LSM14A: variants seen among roughly 807,000 people sequenced by gnomAD.
The protein encoded by LSM14A is LSM14A mRNA processing body assembly factor, also known as protein LSM14 homolog A.
A neutral mutation model predicts 52.4 loss-of-function variants in LSM14A; 14 were observed. That is an observed-to-expected ratio of 0.27 (90% CI 0.18 to 0.42). The LOEUF is 0.42. LSM14A is among the 10% of genes least tolerant of loss of function. The pLI, the probability that LSM14A is intolerant of heterozygous loss-of-function variation, is 1.00. For missense variants in LSM14A, 417 were observed against 581.8 expected, an observed-to-expected ratio of 0.72 and a Z score of 2.91; for synonymous variants, 185 against 200.3, an observed-to-expected ratio of 0.92 and a Z score of 0.64.
chr19:34,192,631 G>GCAAA (rs2070513776), intron 1 of LSM14A, among the ~76,000 whole-genome samples: 5 of 33,982 alleles, frequency 1.5e-4, no homozygotes, highest in African/African-American at 6.7e-4. Context: ...CATCAGTTCT[G>GCAAA]CAAAAAAAAA....
intron 1 of LSM14A, among the ~76,000 whole-genome samples, chr19:34,175,080 CATA>C (rs1247551482): frequency 1.3e-5 from 2 of 152,038 alleles, no homozygotes; most frequent in African/African-American, 4.8e-5. Context: ...ATTCATATGA[CATA>C]ATGACATAAA....
intron 9 of LSM14A, chr19:34,226,581 A>G (rs2073360770): frequency 2.3e-6 from 2 of 855,118 alleles, no homozygotes; most frequent in Non-Finnish European, 3.4e-6. Flanking sequence ...CAGTTTAATA[A>G]CGGGGTGCAA....
chr19:34,185,338 G>T (rs1425202132), intron 1 of LSM14A, among the ~76,000 whole-genome samples: 1 of 152,168 alleles, frequency 6.6e-6, no homozygotes. Context: ...TCTGTTAGGG[G>T]TGTTAAGTTC....
intron 9 of LSM14A, among the ~76,000 whole-genome samples, chr19:34,224,246 C>G (rs1299407274): frequency 6.6e-6 from 1 of 152,060 alleles, no homozygotes; most frequent in Non-Finnish European, 1.5e-5. Context: ...GCAGGAGAAT[C>G]ATTGAACCTG....
chr19:34,184,578 A>G (rs958783014), intron 1 of LSM14A, among the ~76,000 whole-genome samples: 1 of 152,152 alleles, frequency 6.6e-6, no homozygotes, highest in African/African-American at 2.4e-5. Context: ...ACATACAGAA[A>G]CATTTGGGGA....
chr19:34,209,086 A>T (rs1313132998), intron 4 of LSM14A, 35 bp downstream of exon 4: 4 of 1,515,064 alleles, frequency 2.6e-6, no homozygotes, highest in African/African-American at 1.4e-5. Context: ...TTTCCATTCT[A>T]AACTTTTATA....
At position 34,172,599 on chromosome 19, in the gene LSM14A, G is replaced by C; in HGVS notation, c.-44G>C. On this transcript the variant is annotated 5_prime_UTR_variant, in exon 1 of 10. Coordinates refer to ENST00000544216, the MANE Select transcript of LSM14A (RefSeq NM_015578.4). ...TGCGGAGCGGGCGACAGTGGCGTGG[G>C]ATCTGCCTCTCTGCGAGCAGCTGGG... The C allele has an allele frequency of 6.6e-7, 1 of 1,524,060 alleles. No homozygotes were observed. The highest frequency in any genetic ancestry group is 2.8e-5 in the East Asian group (1 of 36,026). 94.4% of individuals were successfully genotyped at this position (1,524,060 alleles called of 1,614,324 possible). A position where few individuals can be genotyped will look rare whatever the true frequency, so the allele number is the denominator to read the frequency against.
chr19:34,198,781 TC>T (rs1300413947), intron 3 of LSM14A, among the ~76,000 whole-genome samples: 1 of 151,646 alleles, frequency 6.6e-6, no homozygotes, highest in Non-Finnish European at 1.5e-5. Context: ...GGTCAGGAGA[TC>T]GAGACCATCC....
chr19:34,215,415 A>G lies in LSM14A; in HGVS notation c.715+115A>G, dbSNP rs897632265. ...ATGATCCCAGAAAATTAAACTGAAT[A>G]TGATAGAATGTTTGGTCTTTCAAAT... On this transcript the variant is annotated intron_variant, in intron 5 of 9. Transcript: ENST00000544216. 1.7e-5 allele frequency: 20 copies of G among 1,202,096 alleles called. No homozygotes were observed. The Middle Eastern group carries it at 9.8e-4, about 59-fold the overall frequency. 74.5% of individuals were successfully genotyped at this position (1,202,096 alleles called of 1,614,324 possible).
At chr19:34,204,492 A>G (rs754074479) in intron 3 of LSM14A, among the ~76,000 whole-genome samples, 10 of 151,394 alleles carry the variant, frequency 6.6e-5, no homozygotes, top group Non-Finnish European at 1.5e-4. Flanking sequence ...TGGGAGGATC[A>G]CTTGAGGCCA....
At chr19:34,195,623 A>G (rs185770403) in intron 2 of LSM14A, among the ~76,000 whole-genome samples, 8 of 152,194 alleles carry the variant, frequency 5.3e-5, no homozygotes, top group Middle Eastern at 3.4e-3. Context: ...ACTCTCATCT[A>G]CCCCTACCCT....
chr19:34,198,030 T>C (rs1285714316), intron 3 of LSM14A, among the ~76,000 whole-genome samples: 1 of 148,734 alleles, frequency 6.7e-6, no homozygotes, highest in Non-Finnish European at 1.5e-5. Flanking sequence ...TAAAAAAAAA[T>C]CGCTTCTCAG....
intron 1 of LSM14A, among the ~76,000 whole-genome samples, chr19:34,190,679 A>G (rs1054922586): frequency 2.0e-5 from 3 of 152,092 alleles, no homozygotes; most frequent in Non-Finnish European, 4.4e-5. Context: ...ATGTTGTGAT[A>G]TACTGTTCTT....
intron 6 of LSM14A, among the ~76,000 whole-genome samples, chr19:34,217,605 T>C (rs1228486018): frequency 1.8e-5 from 1 of 55,510 alleles, no homozygotes; most frequent in African/African-American, 7.3e-5. Context: ...TATTTTTATA[T>C]CCCCCCCCCC....
chr19:34,210,444 G>A (rs1382363865), intron 4 of LSM14A, among the ~76,000 whole-genome samples: 1 of 151,778 alleles, frequency 6.6e-6, no homozygotes, highest in Non-Finnish European at 1.5e-5. Flanking sequence ...TCATTTTTTT[G>A]TATTTTTGGT....
chr19:34,196,227 C>T (rs2070826121), intron 2 of LSM14A, among the ~76,000 whole-genome samples: 1 of 152,040 alleles, frequency 6.6e-6, no homozygotes. Flanking sequence ...TAGTAGGCCT[C>T]AAATGATTGA....
At chr19:34,226,107 G>A (rs764388017) in intron 9 of LSM14A, among the ~76,000 whole-genome samples, 2 of 151,898 alleles carry the variant, frequency 1.3e-5, no homozygotes, top group Admixed American at 6.6e-5. Context: ...GGTAAGTTTG[G>A]TTGTATGGTG....
chr19:34,217,281 G>A (rs1041620776), intron 6 of LSM14A, among the ~76,000 whole-genome samples: 8 of 149,174 alleles, frequency 5.4e-5, no homozygotes, highest in African/African-American at 9.8e-5. Context: ...AAAAAATTGA[G>A]CCCAGATCCT....
rs1465389231 is a variant in LSM14A, at chr19:34,212,006, AAG to A, written c.538+2959_538+2960del. ...AAATGTAGCAATGCAGGAAAAAAGAAAGAGATGAATAGAAAGCAATAGGCAGG... is the reference window on the plus strand; with the variant it reads ...AAATGTAGCAATGCAGGAAAAAAGAAAGATGAATAGAAAGCAATAGGCAGG... On this transcript the variant is annotated intron_variant, in intron 4 of 9. Transcript: ENST00000544216. 2.6e-5 allele frequency among the ~76,000 whole-genome samples: 4 copies of A among 152,262 alleles called. No homozygotes were observed. The East Asian group carries it at 7.7e-4, about 29-fold the overall frequency.
Sources: gnomAD v4.1 joint callset for allele counts (sites outside exome capture counted in the v4.1 genomes callset) on GRCh38, gnomAD v4.1.1 for gene constraint, MANE v1.5 for transcripts, NCBI Gene and HGNC (gene_info 2026-07-23, HGNC 2026-07-21) for gene names.